ARHGAP32: variants seen among roughly 807,000 people sequenced by gnomAD.
ARHGAP32 encodes rho GTPase-activating protein 32.
A neutral mutation model predicts 186.5 loss-of-function variants in ARHGAP32; 51 were observed. That is an observed-to-expected ratio of 0.27 (90% CI 0.22 to 0.35). ARHGAP32 has a LOEUF of 0.35. Among genes scored for constraint, ARHGAP32 ranks in the 10% least tolerant of loss-of-function variants. ARHGAP32 has a pLI of 1.00. For missense variants in ARHGAP32, 2,186 were observed against 2,623.5 expected (o/e 0.83, Z 3.64); for synonymous variants, 950 against 964.3 (o/e 0.99, Z 0.27).
At chr11:129,101,205 A>G (rs1424776484) in intron 5 of ARHGAP32, among the ~76,000 whole-genome samples, 1 of 151,682 alleles carries the variant, frequency 6.6e-6, no homozygotes, top group Non-Finnish European at 1.5e-5. Flanking sequence ...AAAAGGGGGA[A>G]AAAAAACATC....
At chr11:129,197,263 T>C (rs1944404419), upstream of ARHGAP32, among the ~76,000 whole-genome samples, 1 of 152,068 alleles carries the variant, frequency 6.6e-6, no homozygotes, top group African/African-American at 2.4e-5. Flanking sequence ...TAATTCTATA[T>C]CCAATACCCG....
intron 2 of ARHGAP32, among the ~76,000 whole-genome samples, chr11:129,155,325 G>A (rs1192950900): frequency 1.3e-5 from 2 of 152,146 alleles, no homozygotes; most frequent in Admixed American, 1.3e-4. Context: ...AAGAAAAGAA[G>A]AAAGAGGTGG....
At chr11:129,067,815 G>A (rs1940744621) in intron 6 of ARHGAP32, among the ~76,000 whole-genome samples, 1 of 152,082 alleles carries the variant, frequency 6.6e-6, no homozygotes, top group Non-Finnish European at 1.5e-5. Context: ...AGCAGAAACA[G>A]AGGGTATCAC....
rs1405649667 is a variant in ARHGAP32, at chr11:128,988,118, C to T, written c.1203G>A (p.Gln401=). ...HLLNSGFEVP[Q]VLQSCTAFIE... ...TGAATGCTGTGCAGCTTTGAAGAAC[C>T]TGCGGCACTAAAGAGAATTTGTAAA... Residue 401 remains glutamine (Q), a synonymous_variant, in exon 13 of 23, where the codon CAG becomes CAA. Transcript: ENST00000682385. The T allele has an allele frequency of 3.1e-6, 5 of 1,610,602 alleles. No homozygotes were observed. Among genetic ancestry groups the T allele is most frequent in the African/African-American group, 2.7e-5 (2 of 74,850 alleles).
At chr11:129,107,580 G>A (rs1209887283) in intron 5 of ARHGAP32, among the ~76,000 whole-genome samples, 1 of 152,200 alleles carries the variant, frequency 6.6e-6, no homozygotes, top group Non-Finnish European at 1.5e-5. Flanking sequence ...TAAAAGTACA[G>A]ATTTTGGGCC....
intron 21 of ARHGAP32, chr11:128,973,678 A>T: frequency 3.8e-6 from 2 of 531,942 alleles, no homozygotes; most frequent in Non-Finnish European, 6.6e-6. Flanking sequence ...GATGGGGGGG[A>T]AAAAAAGCAT....
intron 1 of ARHGAP32, among the ~76,000 whole-genome samples, chr11:129,172,380 G>A (rs985493411): frequency 6.6e-6 from 1 of 152,114 alleles, no homozygotes; most frequent in African/African-American, 2.4e-5. Context: ...TAACGTGAAG[G>A]GATGTTGAAT....
intron 10 of ARHGAP32, among the ~76,000 whole-genome samples, chr11:129,044,585 C>T (rs1939733543): frequency 6.6e-6 from 1 of 152,186 alleles, no homozygotes; most frequent in African/African-American, 2.4e-5. Flanking sequence ...GCTCCTCCAT[C>T]AAATGGATAT....
intron 11 of ARHGAP32, among the ~76,000 whole-genome samples, chr11:129,026,440 G>C (rs540059852): frequency 1.3e-5 from 2 of 152,074 alleles, no homozygotes; most frequent in Admixed American, 6.6e-5. Context: ...ATGGGTGGGA[G>C]AGGCAAAAGG....
chr11:129,250,282 ATG>A (rs1350263368), intron 1 of ARHGAP32, among the ~76,000 whole-genome samples: 1 of 152,164 alleles, frequency 6.6e-6, no homozygotes, highest in Non-Finnish European at 1.5e-5. Flanking sequence ...TCTGATAAAC[ATG>A]TGTTAAGAGG....
chr11:129,080,170 T>C (rs1459227369), intron 6 of ARHGAP32, among the ~76,000 whole-genome samples: 1 of 152,000 alleles, frequency 6.6e-6, no homozygotes, highest in Non-Finnish European at 1.5e-5. Context: ...TTCAATACTC[T>C]CCTGACAGCA....
chr11:128,970,331 G>C lies in ARHGAP32; in HGVS notation c.4882C>G (p.Pro1628Ala), dbSNP rs1202540648. 2.1e-5 allele frequency: 34 copies of C among 1,614,028 alleles called. No homozygotes were observed. The highest frequency in any genetic ancestry group is 2.7e-5 in the Non-Finnish European group (32 of 1,180,028). The change falls in exon 23 of 23, where the codon CCA (proline) becomes GCA (alanine). Residue 1628 changes from proline to alanine, a missense_variant. Pro to Ala is a conservative substitution (Grantham distance 27). Transcript: ENST00000682385. The surrounding 1 kb of genome is among the most constrained non-coding windows in gnomAD (Gnocchi z 5.8). ...GGCTTATATTGGTACAGAGGTCTTG[G>C]GCAGTAGGCTGGCTCATCATCTGGG... ...VPPDDEPAYC[P>A]RPLYQYKPYQ... is the part of the protein sequence containing the mutation.
intron 1 of ARHGAP32, among the ~76,000 whole-genome samples, chr11:129,165,283 G>T (rs1943611930): frequency 1.3e-5 from 2 of 151,852 alleles, no homozygotes; most frequent in African/African-American, 4.8e-5. Flanking sequence ...CAAGTAAAGA[G>T]GCAAGTAGAC....
chr11:129,071,709 T>C (rs572188357), intron 6 of ARHGAP32, among the ~76,000 whole-genome samples: 4 of 152,282 alleles, frequency 2.6e-5, no homozygotes, highest in African/African-American at 9.6e-5. Flanking sequence ...ATCCCACATC[T>C]AGATATATAT....
At chr11:129,075,063 A>G (rs1940994917) in intron 6 of ARHGAP32, among the ~76,000 whole-genome samples, 2 of 152,188 alleles carry the variant, frequency 1.3e-5, no homozygotes. Flanking sequence ...TTGGAAAAAA[A>G]CACACAAAAA....
intron 1 of ARHGAP32, among the ~76,000 whole-genome samples, chr11:129,174,431 G>A (rs1275570460): frequency 6.6e-6 from 1 of 152,224 alleles, no homozygotes; most frequent in Non-Finnish European, 1.5e-5. Flanking sequence ...GAACTGGGTA[G>A]AGCCCACCAC....
rs539967375 is a variant in ARHGAP32 at position 129,109,207 on chromosome 11, C to T, written c.444+14239G>A. ...TTCACATGATGACCTTCAGTTCCAT[C>T]CATGTTGCTGCAAATGACAGAAATT... On this transcript the variant is annotated intron_variant, in intron 5 of 22. Coordinates refer to ENST00000682385, the MANE Select transcript of ARHGAP32 (RefSeq NM_001378024.1). 3.3e-5 allele frequency among the ~76,000 whole-genome samples: 5 copies of T among 152,168 alleles called. No homozygotes were observed. In the South Asian group the frequency reaches 6.2e-4, roughly 19 times the overall value.
At chr11:129,092,026 C>T (rs1463440465) in intron 6 of ARHGAP32, among the ~76,000 whole-genome samples, 1 of 151,992 alleles carries the variant, frequency 6.6e-6, no homozygotes, top group Non-Finnish European at 1.5e-5. Flanking sequence ...CACTAAATTA[C>T]TACTTTGATA....
At chr11:129,065,263 C>T (rs1157896215) in intron 7 of ARHGAP32, among the ~76,000 whole-genome samples, 2 of 152,054 alleles carry the variant, frequency 1.3e-5, no homozygotes, top group African/African-American at 4.8e-5. Context: ...CTAAATTTCC[C>T]CCTACTACTC....
Sources: gnomAD v4.1 joint callset for allele counts (sites outside exome capture counted in the v4.1 genomes callset) on GRCh38, gnomAD v4.1.1 for gene constraint, Gnocchi (gnomAD v3.1) non-coding constraint, MANE v1.5 for transcripts, NCBI Gene and HGNC (gene_info 2026-07-23, HGNC 2026-07-21) for gene names.